Variants in GPR158 observed in about 807,000 individuals in gnomAD.
The protein encoded by GPR158 is G protein-coupled receptor 158, also known as metabotropic glycine receptor.
Under a neutral mutation model 78.2 loss-of-function variants are expected in GPR158, and 30 were observed. That is an observed-to-expected ratio of 0.38 (90% CI 0.29 to 0.52). The LOEUF (loss-of-function observed/expected upper bound fraction) is 0.52, where lower values mean the gene tolerates loss of function less well. GPR158 is among the 20% of genes least tolerant of loss of function. The pLI, the probability that GPR158 is intolerant of heterozygous loss-of-function variation, is 0.83. For synonymous variants in GPR158, 581 were observed against 591.1 expected, an observed-to-expected ratio of 0.98 and a Z score of 0.25; for missense variants, 1,463 against 1,523.5, an observed-to-expected ratio of 0.96 and a Z score of 0.66.
intron 2 of GPR158, among the ~76,000 whole-genome samples, chr10:25,381,636 G>T (rs1370292040): frequency 6.6e-6 from 1 of 152,156 alleles, no homozygotes; most frequent in Non-Finnish European, 1.5e-5. Flanking sequence ...AGGAGCATAT[G>T]GGTGTAGGTT....
intron 5 of GPR158, among the ~76,000 whole-genome samples, chr10:25,544,980 A>C (rs1383051641): frequency 1.3e-5 from 2 of 152,102 alleles, no homozygotes; most frequent in East Asian, 3.9e-4. Context: ...TTCCTGTGTT[A>C]GTTTGCTGAG....
Position 25,280,861 on chromosome 10 carries a change from C to A in GPR158, c.1008+59704C>A, listed in dbSNP as rs1443156235. On this transcript the variant is annotated intron_variant, in intron 2 of 10. Coordinates refer to ENST00000376351, the MANE Select transcript of GPR158 (RefSeq NM_020752.3). ...CAGTTAAATTACTCATCAGGTTGGACGTGGTGGCTCGTGCCTATAATCCCA... is the reference window on the plus strand; with the variant it reads ...CAGTTAAATTACTCATCAGGTTGGAAGTGGTGGCTCGTGCCTATAATCCCA... 3.3e-5 allele frequency among the ~76,000 whole-genome samples: 5 copies of A among 152,158 alleles called. No individual in the cohort carries two copies. In the East Asian group the frequency reaches 9.7e-4, roughly 29 times the overall value.
chr10:25,460,818 G>T (rs1255657033), intron 4 of GPR158, among the ~76,000 whole-genome samples: 8 of 152,172 alleles, frequency 5.3e-5, no homozygotes, highest in Admixed American at 5.2e-4. Flanking sequence ...TCTACATTGA[G>T]AAAATCTATC....
chr10:25,374,903 A>T (rs759589714), intron 2 of GPR158, among the ~76,000 whole-genome samples: 74 of 151,830 alleles, frequency 4.9e-4, no homozygotes, highest in Middle Eastern at 3.4e-3. Flanking sequence ...TCTGGTTTAA[A>T]TGCCTAAGAA....
chr10:25,472,110 T>C (rs964295314), intron 5 of GPR158, among the ~76,000 whole-genome samples: 2 of 152,192 alleles, frequency 1.3e-5, no homozygotes, highest in Non-Finnish European at 2.9e-5. Context: ...AACATTTAAG[T>C]CTTTAATCCA....
intron 2 of GPR158, among the ~76,000 whole-genome samples, chr10:25,295,958 A>G (rs1854505928): frequency 6.6e-6 from 1 of 151,926 alleles, no homozygotes; most frequent in African/African-American, 2.4e-5. Context: ...AGACCTCAGA[A>G]GCTGAGATTT....
chr10:25,243,512 G>A (rs543471758), intron 2 of GPR158, among the ~76,000 whole-genome samples: 70 of 152,234 alleles, frequency 4.6e-4, no homozygotes, highest in African/African-American at 1.6e-3. Flanking sequence ...TTAGTTGAAT[G>A]CCTGTGATCT....
intron 5 of GPR158, among the ~76,000 whole-genome samples, chr10:25,492,014 C>G (rs1835816962): frequency 6.6e-6 from 1 of 152,112 alleles, no homozygotes; most frequent in South Asian, 2.1e-4. Flanking sequence ...GTTCTGCAGG[C>G]TGTACAAGGA....
At chr10:25,517,922 G>C (rs1223233807) in intron 5 of GPR158, among the ~76,000 whole-genome samples, 1 of 113,644 alleles carries the variant, frequency 8.8e-6, no homozygotes, top group Admixed American at 8.8e-5. Flanking sequence ...TTTTTCTATT[G>C]ATTGGAATAG....
chr10:25,201,023 C>A (rs1167345380), intron 1 of GPR158, among the ~76,000 whole-genome samples: 3 of 151,168 alleles, frequency 2.0e-5, no homozygotes, highest in African/African-American at 7.3e-5. Context: ...AATTTTAAAA[C>A]CTTCTAATTC....
At chr10:25,304,223 TCA>T (rs10593807) in intron 2 of GPR158, among the ~76,000 whole-genome samples, 6,462 of 152,238 alleles carry the variant, frequency 0.042, 147 homozygotes, top group African/African-American at 0.051. Context: ...AACCTAAAAT[TCA>T]CAGTTTGCTA....
chr10:25,195,476 G>C (rs1852831148), intron 1 of GPR158, among the ~76,000 whole-genome samples: 1 of 152,118 alleles, frequency 6.6e-6, no homozygotes, highest in African/African-American at 2.4e-5. Flanking sequence ...AAAGTGCTGG[G>C]ATTACAGCCA....
Position 25,419,907 on chromosome 10 carries a change from G to A in GPR158, c.1335+7434G>A, listed in dbSNP as rs1350099928. On this transcript the variant is annotated intron_variant, in intron 4 of 10. Transcript: ENST00000376351. Reference sequence around the variant, plus strand: ...GTACATTCTGTGACTTTGGACAAATGTATAATGCATTTATCCATGATTATA... The same window carrying A: ...GTACATTCTGTGACTTTGGACAAATATATAATGCATTTATCCATGATTATA... 2.6e-5 allele frequency among the ~76,000 whole-genome samples: 4 copies of A among 152,244 alleles called. 1 individual carries two copies. The East Asian group carries it at 7.7e-4, about 29-fold the overall frequency.
intron 2 of GPR158, among the ~76,000 whole-genome samples, chr10:25,251,501 C>A (rs1328328278): frequency 6.6e-6 from 1 of 151,670 alleles, no homozygotes; most frequent in Non-Finnish European, 1.5e-5. Context: ...TCTTTTAGGG[C>A]AGGTCTGGTG....
intron 7 of GPR158, among the ~76,000 whole-genome samples, chr10:25,573,558 A>C (rs908359247): frequency 2.6e-5 from 4 of 152,352 alleles, no homozygotes; most frequent in African/African-American, 9.6e-5. Flanking sequence ...TTTTGAAAAA[A>C]GGAGGAAAAC....
chr10:25,183,808 C>A lies in GPR158; in HGVS notation c.902+7486C>A, dbSNP rs1469788470. Among the ~76,000 whole-genome samples, 5 of 152,086 alleles carry A rather than the reference C, an allele frequency of 3.3e-5. No homozygotes were observed. In the East Asian group the frequency reaches 9.6e-4, roughly 29 times the overall value. ...TTATGTCTTTTGTCCAATGTGTATGCCTTGTTACATTATCAGAGAAGAATT... is the reference window on the plus strand; with the variant it reads ...TTATGTCTTTTGTCCAATGTGTATGACTTGTTACATTATCAGAGAAGAATT... On this transcript the variant is annotated intron_variant, in intron 1 of 10. Transcript: ENST00000376351.
At chr10:25,295,317 C>T (rs1432582781) in intron 2 of GPR158, among the ~76,000 whole-genome samples, 1 of 152,232 alleles carries the variant, frequency 6.6e-6, no homozygotes, top group Admixed American at 6.5e-5. Flanking sequence ...TGTATGCTTG[C>T]ACTCTGTAAA....
intron 2 of GPR158, among the ~76,000 whole-genome samples, chr10:25,329,423 G>C (rs1345747951): frequency 5.3e-5 from 8 of 150,648 alleles, no homozygotes; most frequent in Admixed American, 1.3e-4. Flanking sequence ...CTGGGCAACA[G>C]AGTGAGACTC....
At chr10:25,437,057 G>A (rs1429462217) in intron 4 of GPR158, among the ~76,000 whole-genome samples, 1 of 150,632 alleles carries the variant, frequency 6.6e-6, no homozygotes, top group African/African-American at 2.4e-5. Flanking sequence ...AGAAGGAGGA[G>A]GCCTAATATA....
Sources: gnomAD v4.1 joint callset for allele counts (sites outside exome capture counted in the v4.1 genomes callset) on GRCh38, gnomAD v4.1.1 for gene constraint, MANE v1.5 for transcripts, NCBI Gene and HGNC (gene_info 2026-07-23, HGNC 2026-07-21) for gene names.